Variants in TRPC6 observed in about 807,000 individuals in gnomAD.
The protein encoded by TRPC6 is transient receptor potential cation channel subfamily C member 6.
TRPC6 carries 55 observed loss-of-function variants against 90.7 expected under a neutral mutation model. The observed-to-expected ratio is 0.61, with a 90% CI of 0.49 to 0.76. TRPC6 has a LOEUF of 0.76. Ranked by LOEUF, TRPC6 falls within the 30% of genes least tolerant of loss-of-function variation. The pLI is 0.00. For missense variants in TRPC6, 989 were observed against 1,122.7 expected (o/e 0.88, Z 1.70); for synonymous variants, 393 against 393.0 (o/e 1.00, Z 0.00).
At chr11:101,577,870 C>T (rs1008765992) in intron 1 of TRPC6, among the ~76,000 whole-genome samples, 3 of 152,102 alleles carry the variant, frequency 2.0e-5, no homozygotes, top group Non-Finnish European at 4.4e-5. Context: ...ATGCTGGTGG[C>T]AGTAGTGATT....
chr11:101,559,199 C>T (rs57222897), intron 1 of TRPC6, among the ~76,000 whole-genome samples: 4,426 of 152,050 alleles, frequency 0.029, 215 homozygotes, highest in African/African-American at 0.087. Flanking sequence ...AGCAAGAGAC[C>T]TACATAGACA....
chr11:101,523,414 C>T (rs1860705593), intron 1 of TRPC6, among the ~76,000 whole-genome samples: 1 of 152,156 alleles, frequency 6.6e-6, no homozygotes, highest in Non-Finnish European at 1.5e-5. Context: ...TTTACTTCTC[C>T]TTTCTTAGTC....
intron 1 of TRPC6, among the ~76,000 whole-genome samples, chr11:101,573,277 C>T (rs901170388): frequency 6.6e-6 from 1 of 152,200 alleles, no homozygotes; most frequent in Non-Finnish European, 1.5e-5. Context: ...CTTTCCTCAT[C>T]GAACTGGTAT....
At chr11:101,522,783 T>C (rs1565228647) in intron 1 of TRPC6, among the ~76,000 whole-genome samples, 1 of 152,240 alleles carries the variant, frequency 6.6e-6, no homozygotes, top group Non-Finnish European at 1.5e-5. Flanking sequence ...CATGAAAGCA[T>C]GCATAGAAAT....
At chr11:101,571,089 T>G (rs1250226690) in intron 1 of TRPC6, among the ~76,000 whole-genome samples, 1 of 152,222 alleles carries the variant, frequency 6.6e-6, no homozygotes, top group Non-Finnish European at 1.5e-5. Context: ...TGTCTCTGTT[T>G]GCAGATGACA....
At chr11:101,491,397 G>A (rs1186648064) in intron 3 of TRPC6, 159 bp downstream of exon 3, 5 of 860,556 alleles carry the variant, frequency 5.8e-6, no homozygotes, top group Admixed American at 4.7e-5. Context: ...TCGCACCACT[G>A]CACTCCAGAC....
rs952952125 is a variant in TRPC6, at chr11:101,546,766, T to A, written c.170+36568A>T. Among the ~76,000 whole-genome samples the A allele has an allele frequency of 2.6e-5, 4 of 152,168 alleles. 1 individual carries two copies. The South Asian group carries it at 6.2e-4, about 24-fold the overall frequency. On this transcript the variant is annotated intron_variant, in intron 1 of 12. Transcript: ENST00000344327. ...ATTTAACTTCTATTCATGATTTTTT[T>A]AAAAAGATGTCTTTTACCAAACAAA...
rs545806068 is a variant in TRPC6, at chr11:101,490,254, A to G, written c.1129-1153T>C. On this transcript the variant is annotated intron_variant, in intron 3 of 12. Coordinates refer to ENST00000344327, the MANE Select transcript of TRPC6 (RefSeq NM_004621.6). ...TGAAGTAACAATGCAACCTTTAAAAAGATAAAGTGGACATTTATTGACTGT... is the reference window on the plus strand; with the variant it reads ...TGAAGTAACAATGCAACCTTTAAAAGGATAAAGTGGACATTTATTGACTGT... Among the ~76,000 whole-genome samples, 3 of 152,356 alleles carry G rather than the reference A, an allele frequency of 2.0e-5. No homozygotes were observed. In the East Asian group the frequency reaches 5.8e-4, roughly 29 times the overall value.
At chr11:101,530,785 G>C (rs1297608631) in intron 1 of TRPC6, among the ~76,000 whole-genome samples, 4 of 151,686 alleles carry the variant, frequency 2.6e-5, no homozygotes, top group Admixed American at 1.3e-4. Context: ...ATCAGCCCTG[G>C]GACCCAACAA....
chr11:101,559,880 T>C lies in TRPC6; in HGVS notation c.170+23454A>G, dbSNP rs537078730. ...ATTCCCACCTATGAGGGAGAACATG[T>C]GGTGTTTGGTTTTTTGTCCTTGCGA... On this transcript the variant is annotated intron_variant, in intron 1 of 12. Transcript: ENST00000344327. 3.5e-3 allele frequency among the ~76,000 whole-genome samples: 517 copies of C among 147,526 alleles called. 7 individuals are homozygous for C. Among genetic ancestry groups the C allele is most frequent in the African/African-American group, 0.012 (487 of 40,304 alleles).
At chr11:101,461,304 C>T (rs190220690) in intron 10 of TRPC6, among the ~76,000 whole-genome samples, 66 of 152,314 alleles carry the variant, frequency 4.3e-4, no homozygotes, top group Non-Finnish European at 8.8e-4. Context: ...GTGGCTGATG[C>T]CTGTAATCCC....
At chr11:101,583,055 CT>C (rs1379049438) in intron 1 of TRPC6, 4 of 508,940 alleles carry the variant, frequency 7.9e-6, no homozygotes, top group Non-Finnish European at 1.0e-5. Context: ...ATCTAATCAC[CT>C]GCAATGGTGG....
chr11:101,476,271 T>G, intron 6 of TRPC6, 30 bp downstream of exon 6: 1 of 1,592,728 alleles, frequency 6.3e-7, no homozygotes, highest in Non-Finnish European at 8.6e-7. Flanking sequence ...TTCTGCATTT[T>G]TATTTATATT....
Position 101,504,781 on chromosome 11 carries a change from C to G in TRPC6, c.188G>C (p.Arg63Thr). 1 of 1,611,444 alleles carries G rather than the reference C, an allele frequency of 6.2e-7. No homozygotes were observed. The highest frequency in any genetic ancestry group is 8.5e-7 in the Non-Finnish European group (1 of 1,178,864). ...YYPCFRGSDN[R>T]LAHRRQTVLR... ...AACTGTCTGCCGCCGGTGAGCCAGT[C>G]TGTTGTCAGATCCCCGGCTGCAATA... The change falls in exon 2 of 13, where the codon AGA becomes ACA. Residue 63 changes from arginine (R) to threonine (T), a missense_variant. By Grantham distance (71) the Arg-to-Thr change is moderately conservative (BLOSUM62 -1). Around this residue, in one of 4 missense-constraint regions of TRPC6, gnomAD observed 194 missense variants for 136.5 expected, o/e 1.42. Transcript: ENST00000344327.
At chr11:101,454,052 AG>A (rs1173198938) in intron 11 of TRPC6, among the ~76,000 whole-genome samples, 1 of 152,200 alleles carries the variant, frequency 6.6e-6, no homozygotes, top group African/African-American at 2.4e-5. Flanking sequence ...GGTAGGTAAA[AG>A]ATGTACACTA....
chr11:101,554,638 T>G (rs1861521386), intron 1 of TRPC6, among the ~76,000 whole-genome samples: 1 of 152,114 alleles, frequency 6.6e-6, no homozygotes, highest in Non-Finnish European at 1.5e-5. Flanking sequence ...AGAATCAAGT[T>G]ATAAGCCTCA....
intron 1 of TRPC6, among the ~76,000 whole-genome samples, chr11:101,510,567 T>C (rs1169974358): frequency 2.0e-5 from 3 of 152,208 alleles, no homozygotes; most frequent in Non-Finnish European, 4.4e-5. Context: ...TTCATGTCTG[T>C]ATTTTTACAA....
At chr11:101,516,878 C>T (rs184065347) in intron 1 of TRPC6, among the ~76,000 whole-genome samples, 30 of 152,366 alleles carry the variant, frequency 2.0e-4, no homozygotes, top group Admixed American at 1.2e-3. Context: ...AACACATTAC[C>T]TCAGAGGCGA....
rs201285907 is a variant in TRPC6 at position 101,452,915 on chromosome 11, A to C, written c.*40T>G. The C allele has an allele frequency of 1.5e-4, 246 of 1,611,270 alleles. No individual in the cohort carries two copies. In the African/African-American group the frequency reaches 2.9e-3, roughly 19 times the overall value. On this transcript the variant is annotated 3_prime_UTR_variant, in exon 13 of 13. Transcript: ENST00000344327. ...TAAATCAGAAAATAATATGGCTTCAAGTGGACAAATAAATATGAATTTCTA... is the reference window on the plus strand; with the variant it reads ...TAAATCAGAAAATAATATGGCTTCACGTGGACAAATAAATATGAATTTCTA...
Sources: allele counts gnomAD v4.1 joint callset (sites outside exome capture counted in the v4.1 genomes callset), GRCh38; gene constraint gnomAD v4.1.1; regional missense constraint gnomAD v4.1.1; transcripts MANE v1.5; gene names NCBI Gene and HGNC (gene_info 2026-07-23, HGNC 2026-07-21).